CNTN6: variants seen among roughly 807,000 people sequenced by gnomAD.
CNTN6 encodes the protein contactin 6.
Under a neutral mutation model 122.8 loss-of-function variants are expected in CNTN6, and 137 were observed. The ratio of observed to expected loss-of-function variants is 1.12; its 90% CI spans 0.97 to 1.29. The LOEUF is 1.29. Ranked by LOEUF, CNTN6 falls within the 50% of genes most tolerant of loss-of-function variation. The pLI is 0.00. For missense variants in CNTN6, 1,634 were observed against 1,223.4 expected, an observed-to-expected ratio of 1.34 and a Z score of -5.01; for synonymous variants, 570 against 426.0, an observed-to-expected ratio of 1.34 and a Z score of -4.16.
chr3:1,367,491 A>G (rs1332950326), intron 12 of CNTN6, among the ~76,000 whole-genome samples: 1 of 151,942 alleles, frequency 6.6e-6, no homozygotes, highest in Non-Finnish European at 1.5e-5. Context: ...ACTGTCTTGA[A>G]ATTCTTAATC....
At chr3:1,399,762 C>T (rs80301660) in intron 20 of CNTN6, among the ~76,000 whole-genome samples, 4,202 of 152,170 alleles carry the variant, frequency 0.028, 195 homozygotes, top group African/African-American at 0.097. Context: ...TGGATGTCTC[C>T]TATGTGCCAG....
At chr3:1,177,439 A>G (rs1398067746) in intron 2 of CNTN6, among the ~76,000 whole-genome samples, 1 of 152,180 alleles carries the variant, frequency 6.6e-6, no homozygotes, top group Admixed American at 6.5e-5. Flanking sequence ...AAAGTAAGAA[A>G]TTTAAATTGT....
chr3:1,193,950 A>G (rs2093738305), intron 2 of CNTN6, among the ~76,000 whole-genome samples: 1 of 152,188 alleles, frequency 6.6e-6, no homozygotes, highest in African/African-American at 2.4e-5. Flanking sequence ...TATGTAGGAA[A>G]TGCCTCATGG....
chr3:1,258,064 A>T (rs2094788291), intron 4 of CNTN6, among the ~76,000 whole-genome samples: 1 of 152,130 alleles, frequency 6.6e-6, no homozygotes, highest in Non-Finnish European at 1.5e-5. Context: ...ATCACAAATC[A>T]GTCCCCTCCA....
chr3:1,222,735 A>G (rs574480195), intron 3 of CNTN6, among the ~76,000 whole-genome samples: 2 of 151,874 alleles, frequency 1.3e-5, no homozygotes, highest in Non-Finnish European at 2.9e-5. Context: ...TCAGGGGTAC[A>G]TATGCAGGTT....
In CNTN6 at chr3:1,366,116, C is replaced by T. The variant is rs73094920; in HGVS notation, c.1493-6183C>T. ...TTTCTGGTGCAATATGAGGAGCTCA[C>T]GTTTTGAATGCATGCTCAGGAAACT... On this transcript the variant is annotated intron_variant, in intron 12 of 22. Coordinates refer to ENST00000446702, the MANE Select transcript of CNTN6 (RefSeq NM_001289080.2). Among the ~76,000 whole-genome samples the T allele has an allele frequency of 5.2e-3, 790 of 152,150 alleles. 7 individuals carry two copies. Among genetic ancestry groups the T allele is most frequent in the African/African-American group, 0.018 (763 of 41,542 alleles).
chr3:1,304,851 G>T (rs766568510), intron 7 of CNTN6, among the ~76,000 whole-genome samples: 4 of 151,720 alleles, frequency 2.6e-5, no homozygotes, highest in African/African-American at 7.3e-5. Context: ...AAAATTAGCC[G>T]GGTGCAGTGG....
At chr3:1,241,576 G>A (rs1246712126) in intron 4 of CNTN6, among the ~76,000 whole-genome samples, 1 of 152,178 alleles carries the variant, frequency 6.6e-6, no homozygotes, top group East Asian at 1.9e-4. Context: ...AAAGGACTAA[G>A]AATTGGGAGG....
rs562836774 is a variant in CNTN6, at chr3:1,110,496, C to T, written c.-83+17376C>T. ...TGTTCCTTGGATGGTGGGCTAGGCA[C>T]ATATTCTAACCTTTGAACATTTCTA... On this transcript the variant is annotated intron_variant, in intron 1 of 22. Transcript: ENST00000446702. Among the ~76,000 whole-genome samples the T allele has an allele frequency of 2.6e-5, 4 of 152,130 alleles. No individual in the cohort carries two copies. In the South Asian group the frequency reaches 8.3e-4, roughly 32 times the overall value.
In CNTN6 at chr3:1,321,625, A is replaced by C. The variant is rs779321463; in HGVS notation, c.762-25A>C. 64 of 1,509,660 alleles carry C rather than the reference A, an allele frequency of 4.2e-5. No individual in the cohort carries two copies. The East Asian group carries it at 1.4e-3, about 34-fold the overall frequency. 93.5% of individuals were successfully genotyped at this position (1,509,660 alleles called of 1,614,324 possible). A position where few individuals can be genotyped will look rare whatever the true frequency, so the allele number is the denominator to read the frequency against. ...TGTCATAAAGATTAAACCGTCTTCT[A>C]TTCTAATGAGGTGTAACTGTTTAGT... On this transcript the variant is annotated intron_variant, in intron 7 of 22. Coordinates refer to ENST00000446702, the MANE Select transcript of CNTN6 (RefSeq NM_001289080.2).
intron 19 of CNTN6, among the ~76,000 whole-genome samples, chr3:1,384,669 T>C (rs1026390835): frequency 2.0e-5 from 2 of 99,116 alleles, no homozygotes; most frequent in Non-Finnish European, 2.1e-5. Context: ...ATTTTGCCTA[T>C]ATATATATAT....
At chr3:1,359,327 C>A (rs1322657603) in intron 12 of CNTN6, among the ~76,000 whole-genome samples, 1 of 151,990 alleles carries the variant, frequency 6.6e-6, no homozygotes, top group African/African-American at 2.4e-5. Flanking sequence ...TATAAAAGAT[C>A]TGTGTTTACA....
chr3:1,133,224 T>C (rs2125107564), intron 1 of CNTN6, among the ~76,000 whole-genome samples: 1 of 152,262 alleles, frequency 6.6e-6, no homozygotes, highest in Admixed American at 6.5e-5. Flanking sequence ...TCATCGAATC[T>C]TGACAATGAT....
chr3:1,232,894 G>C (rs910006695), intron 4 of CNTN6, among the ~76,000 whole-genome samples: 1 of 152,196 alleles, frequency 6.6e-6, no homozygotes, highest in African/African-American at 2.4e-5. Flanking sequence ...AAGTGGTAGA[G>C]AAAGTACAGG....
At chr3:1,154,939 T>C (rs1186595813) in intron 2 of CNTN6, among the ~76,000 whole-genome samples, 1 of 152,164 alleles carries the variant, frequency 6.6e-6, no homozygotes, top group African/African-American at 2.4e-5. Context: ...ATACCAAGAT[T>C]GTTCTCTGCT....
chr3:1,361,701 C>T (rs187786073), intron 12 of CNTN6, among the ~76,000 whole-genome samples: 22 of 152,096 alleles, frequency 1.4e-4, no homozygotes, highest in African/African-American at 3.4e-4. Context: ...TTGAAGTAAG[C>T]TTATCACACC....
intron 5 of CNTN6, among the ~76,000 whole-genome samples, chr3:1,291,046 C>T (rs777461201): frequency 2.6e-5 from 4 of 152,124 alleles, no homozygotes; most frequent in African/African-American, 4.8e-5. Flanking sequence ...TGCTCTGGTT[C>T]AAAGGCCTCT....
intron 4 of CNTN6, among the ~76,000 whole-genome samples, chr3:1,269,182 T>C (rs1003107824): frequency 9.2e-5 from 14 of 152,064 alleles, no homozygotes; most frequent in Admixed American, 2.6e-4. Flanking sequence ...ATTTTAAAAG[T>C]GAAGAAAACT....
chr3:1,255,993 C>T (rs991263398), intron 4 of CNTN6, among the ~76,000 whole-genome samples: 1 of 152,002 alleles, frequency 6.6e-6, no homozygotes, highest in Non-Finnish European at 1.5e-5. Context: ...CTCAGTCTCC[C>T]AAGCAGCTGG....
Sources: allele counts gnomAD v4.1 joint callset (sites outside exome capture counted in the v4.1 genomes callset), GRCh38; gene constraint gnomAD v4.1.1; transcripts MANE v1.5; gene names NCBI Gene and HGNC (gene_info 2026-07-23, HGNC 2026-07-21).